The following TTC12 variants were observed in gnomAD, a reference collection of about 807,000 sequenced individuals.
The protein encoded by TTC12 is tetratricopeptide repeat domain 12.
In TTC12, 70 loss-of-function variants were observed where a neutral mutation model predicts 90.1. The observed-to-expected ratio is 0.78, with a 90% CI of 0.64 to 0.95. The LOEUF is 0.95. Ranked by LOEUF, TTC12 falls within the 40% of genes least tolerant of loss-of-function variation. The pLI is 0.00. For missense variants in TTC12, 819 were observed against 846.1 expected, an observed-to-expected ratio of 0.97 and a Z score of 0.40; for synonymous variants, 296 against 311.5, an observed-to-expected ratio of 0.95 and a Z score of 0.53.
chr11:113,333,614 C>A (rs979249999), intron 7 of TTC12, among the ~76,000 whole-genome samples: 1 of 152,124 alleles, frequency 6.6e-6, no homozygotes, highest in African/African-American at 2.4e-5. Flanking sequence ...GGGATAATAA[C>A]TGTATCTGCT....
chr11:113,323,519 T>A (rs137957081), intron 3 of TTC12, 68 bp downstream of exon 3: 2 of 1,121,878 alleles, frequency 1.8e-6, no homozygotes, highest in Non-Finnish European at 2.4e-6. Flanking sequence ...GGCAGTAGTT[T>A]AATCTCAAAC....
Position 113,344,450 on chromosome 11 carries a change from T to C in TTC12, c.1154+10T>C. 6.2e-7 allele frequency: 1 copy of C among 1,608,858 alleles called. No homozygotes were observed. Among genetic ancestry groups the C allele is most frequent in the Non-Finnish European group, 8.5e-7 (1 of 1,176,516 alleles). ...ACCTTGACCTGACCAGGTAAGCCTC[T>C]GCTGGCAGGATCTTCCTGGGACATC... On this transcript the variant is annotated intron_variant, in intron 13 of 21. Coordinates refer to ENST00000529221, the MANE Select transcript of TTC12 (RefSeq NM_017868.4).
Position 113,335,712 on chromosome 11 carries a change from TATA to T in TTC12, c.576+678_576+680del, listed in dbSNP as rs529255991. ...TTTGTAACTGAGGTTGTTCACTTAG[TATA>T]ATGTTTGCCTGGTACATTTTTGTTG... On this transcript the variant is annotated intron_variant, in intron 8 of 21. Transcript: ENST00000529221. Among the ~76,000 whole-genome samples, 4 of 152,342 alleles carry T rather than the reference TATA, an allele frequency of 2.6e-5. No individual in the cohort carries two copies. The East Asian group carries it at 7.7e-4, about 29-fold the overall frequency.
chr11:113,368,283 A>G (rs762263856), downstream of TTC12: 29 of 1,534,550 alleles, frequency 1.9e-5, no homozygotes, highest in South Asian at 3.0e-4. Context: ...TTCACATGCT[A>G]GTATTCTCCC....
intron 11 of TTC12, among the ~76,000 whole-genome samples, chr11:113,341,091 A>G (rs4938007): frequency 0.21 from 32,398 of 152,112 alleles, 4,022 homozygotes; most frequent in East Asian, 0.49. Context: ...TTAGCTGGGC[A>G]TGGTGGCAGG....
intron 2 of TTC12, 61 bp from the exon 3 acceptor site, chr11:113,323,227 C>T: frequency 7.7e-7 from 1 of 1,305,786 alleles, no homozygotes; most frequent in Non-Finnish European, 1.0e-6. Context: ...ACCATCCTTT[C>T]TAGTGAATAG....
intron 7 of TTC12, among the ~76,000 whole-genome samples, chr11:113,330,651 G>A (rs1166359486): frequency 6.6e-6 from 1 of 152,110 alleles, no homozygotes. Context: ...CTGTCACGGG[G>A]GTTTTAACTA....
chr11:113,334,974 A>C lies in TTC12; in HGVS notation c.513A>C (p.Glu171Asp). Reference sequence around the variant, plus strand: ...CATTCTCTTTTATGCAGTGTGATGAAAAATGCACAAAAGCATATTTTCACA... The same window carrying C: ...CATTCTCTTTTATGCAGTGTGATGACAAATGCACAAAAGCATATTTTCACA... ...VDCEWALKCDEKCTKAYFHMG... is the reference protein window; with the variant it reads ...VDCEWALKCDDKCTKAYFHMG... The change falls in exon 8 of 22, where the codon GAA (glutamate) becomes GAC (aspartate). Residue 171 changes from glutamate (E) to aspartate (D), a missense_variant. Coordinates refer to ENST00000529221, the MANE Select transcript of TTC12 (RefSeq NM_017868.4). 6.2e-7 allele frequency: 1 copy of C among 1,613,820 alleles called. No individual in the cohort carries two copies. Among genetic ancestry groups the C allele is most frequent in the Non-Finnish European group, 8.5e-7 (1 of 1,179,734 alleles).
At chr11:113,368,197 G>A (rs1244011816), downstream of TTC12, 11 of 1,475,278 alleles carry the variant, frequency 7.5e-6, no homozygotes, top group African/African-American at 2.8e-5. Context: ...AGTGCCTGCC[G>A]AGAGCAGTCA....
intron 13 of TTC12, among the ~76,000 whole-genome samples, chr11:113,345,401 C>A (rs1186930640): frequency 1.3e-5 from 2 of 152,070 alleles, no homozygotes; most frequent in African/African-American, 2.4e-5. Context: ...TCTCACCCAA[C>A]TAGGCTGGCC....
chr11:113,337,103 A>G (rs1174964739), intron 8 of TTC12, among the ~76,000 whole-genome samples: 3 of 152,250 alleles, frequency 2.0e-5, no homozygotes, highest in African/African-American at 7.2e-5. Context: ...ATAAAGCCAA[A>G]TAAAAGAAAT....
At position 113,333,986 on chromosome 11, in the gene TTC12, C is replaced by A. The variant is rs1445922632; in HGVS notation, c.505-980C>A. The stretch of plus-strand genomic sequence containing the variant: ...AGTGTTTTACATAATTTCTTTCTCA[C>A]AACAACCTGAGAGAGATACTATTAT... On this transcript the variant is annotated intron_variant, in intron 7 of 21. Transcript: ENST00000529221. Among the ~76,000 whole-genome samples the A allele has an allele frequency of 1.5e-4, 23 of 152,152 alleles. 1 individual carries two copies. The highest frequency in any genetic ancestry group is 2.9e-5 in the Non-Finnish European group (2 of 68,026).
At chr11:113,325,783 C>A (rs1178529795) in intron 6 of TTC12, 138 bp downstream of exon 6, 2 of 1,082,792 alleles carry the variant, frequency 1.8e-6, no homozygotes, top group African/African-American at 1.6e-5. Context: ...GTGGGAGGAG[C>A]TGACTTATAC....
intron 14 of TTC12, among the ~76,000 whole-genome samples, chr11:113,351,000 A>T (rs1179243669): frequency 2.0e-5 from 3 of 152,238 alleles, no homozygotes; most frequent in Non-Finnish European, 4.4e-5. Context: ...CTCCTGCTTA[A>T]GGGAGCCACC....
chr11:113,329,831 A>G (rs1947921232), intron 6 of TTC12, 89 bp from the exon 7 acceptor site: 5 of 1,103,376 alleles, frequency 4.5e-6, no homozygotes, highest in East Asian at 2.4e-5. Context: ...TCTCGCTGAC[A>G]TTCTACTGTT....
intron 14 of TTC12, 34 bp from the exon 15 acceptor site, chr11:113,351,205 T>C (rs1555150052): frequency 6.2e-7 from 1 of 1,603,534 alleles, no homozygotes; most frequent in Non-Finnish European, 8.5e-7. Flanking sequence ...TTATGCAATG[T>C]AAAAATAAAT....
At chr11:113,339,651 A>G (rs782463132) in intron 10 of TTC12, 177 bp downstream of exon 10, 3 of 579,942 alleles carry the variant, frequency 5.2e-6, no homozygotes, top group Non-Finnish European at 9.0e-6. Context: ...CTTCTGCTCC[A>G]TCCTCTCTAC....
At chr11:113,334,605 T>A (rs556987813) in intron 7 of TTC12, among the ~76,000 whole-genome samples, 5 of 151,906 alleles carry the variant, frequency 3.3e-5, no homozygotes, top group African/African-American at 1.2e-4. Flanking sequence ...CAGAGTATAA[T>A]GTAATTGACA....
intron 21 of TTC12, 143 bp downstream of exon 21, chr11:113,365,203 G>A: frequency 1.4e-6 from 1 of 717,702 alleles, no homozygotes. Flanking sequence ...GTTAAGCCCA[G>A]TAGCTGCTTC....
Sources: allele counts gnomAD v4.1 joint callset (sites outside exome capture counted in the v4.1 genomes callset), GRCh38; gene constraint gnomAD v4.1.1; transcripts MANE v1.5; gene names NCBI Gene and HGNC (gene_info 2026-07-23, HGNC 2026-07-21).